The following APMAP variants were observed in gnomAD, a reference collection of about 807,000 sequenced individuals.
The protein encoded by APMAP is adipocyte plasma membrane-associated protein.
In APMAP, 33 loss-of-function variants were observed where a neutral mutation model predicts 43.6. That is an observed-to-expected ratio of 0.76 (90% CI 0.57 to 1.01). APMAP has a LOEUF of 1.01. Ranked by LOEUF, APMAP falls within the 50% of genes least tolerant of loss-of-function variation. APMAP has a pLI of 0.00. For synonymous variants in APMAP, 224 were observed against 216.7 expected (o/e 1.03, Z -0.30); for missense variants, 498 against 540.7 (o/e 0.92, Z 0.78).
At chr20:24,978,603 C>G (rs2088070944) in intron 3 of APMAP, among the ~76,000 whole-genome samples, 164 bp downstream of exon 3, 2 of 152,180 alleles carry the variant, frequency 1.3e-5, no homozygotes, top group South Asian at 4.1e-4. Flanking sequence ...CCACTAGGGC[C>G]TCCCATGTGA....
Position 24,963,116 on chromosome 20 carries a change from A to G in APMAP, c.*697T>C, listed in dbSNP as rs2087910836. The G allele has an allele frequency of 6.6e-6, 1 of 152,452 alleles. No individual in the cohort carries two copies. The highest frequency in any genetic ancestry group is 2.1e-4 in the South Asian group (1 of 4,848). The allele number at this position is 152,452 out of a possible 1,614,324, so 9.4% of individuals were successfully genotyped here. The stretch of plus-strand genomic sequence containing the variant: ...AAAGATCACAGACAAGACGTTACTA[A>G]ACGGACCCCTGCAGTAGGTCCCGAA... On this transcript the variant is annotated 3_prime_UTR_variant, in exon 9 of 9. Coordinates refer to ENST00000217456, the MANE Select transcript of APMAP (RefSeq NM_020531.3).
chr20:24,992,116 G>A (rs1241538330), intron 1 of APMAP, among the ~76,000 whole-genome samples: 1 of 152,236 alleles, frequency 6.6e-6, no homozygotes, highest in African/African-American at 2.4e-5. Flanking sequence ...TAACGAGGCA[G>A]GACCCCAGCA....
chr20:24,970,158 G>A (rs2087985882), intron 6 of APMAP, 39 bp downstream of exon 6: 1 of 1,611,152 alleles, frequency 6.2e-7, no homozygotes, highest in Non-Finnish European at 8.5e-7. Flanking sequence ...GGCCTGGCTG[G>A]TGAACTCAAC....
At position 24,992,738 on chromosome 20, in the gene APMAP, C is replaced by T; in HGVS notation, c.-50G>A. On this transcript the variant is annotated 5_prime_UTR_variant, in exon 1 of 9. Transcript: ENST00000217456. ...AGAAACCACCTCACACTGAGCGGCG[C>T]CGGCTCAGACTCCAGGCCCGCCCTC... is the stretch of plus-strand genomic sequence containing the variant. 1 of 1,371,770 alleles carries T rather than the reference C, an allele frequency of 7.3e-7. No homozygotes were observed. The highest frequency in any genetic ancestry group is 9.7e-7 in the Non-Finnish European group (1 of 1,033,722). 85.0% of individuals were successfully genotyped at this position (1,371,770 alleles called of 1,614,324 possible).
At chr20:24,964,765 AACAG>A (rs1385482860) in intron 8 of APMAP, among the ~76,000 whole-genome samples, 11 of 152,208 alleles carry the variant, frequency 7.2e-5, no homozygotes, top group Non-Finnish European at 2.9e-5. Context: ...AATGGAAATT[AACAG>A]ACAGATTTCT....
intron 1 of APMAP, among the ~76,000 whole-genome samples, chr20:24,986,469 A>G (rs1377442365): frequency 6.6e-6 from 1 of 152,220 alleles, no homozygotes; most frequent in African/African-American, 2.4e-5. Context: ...TCCTGTCTCC[A>G]AACCCCAGGA....
intron 7 of APMAP, among the ~76,000 whole-genome samples, 190 bp from the exon 8 acceptor site, chr20:24,969,274 A>G (rs1477100000): frequency 7.2e-5 from 11 of 152,204 alleles, no homozygotes; most frequent in Non-Finnish European, 1.2e-4. Context: ...GAGGGGAAGT[A>G]GGTCAGGGGA....
At chr20:24,987,233 C>T (rs2122530266) in intron 1 of APMAP, among the ~76,000 whole-genome samples, 1 of 152,342 alleles carries the variant, frequency 6.6e-6, no homozygotes, top group Admixed American at 6.5e-5. Context: ...AGTGATCCTC[C>T]TGTCTCAGCC....
At chr20:24,989,898 T>C (rs527525052) in intron 1 of APMAP, among the ~76,000 whole-genome samples, 2 of 152,182 alleles carry the variant, frequency 1.3e-5, no homozygotes, top group African/African-American at 2.4e-5. Flanking sequence ...AAAAGGAAAA[T>C]GGACCTAGCA....
chr20:24,970,860 C>T (rs2087992613), intron 5 of APMAP, among the ~76,000 whole-genome samples: 1 of 152,186 alleles, frequency 6.6e-6, no homozygotes, highest in South Asian at 2.1e-4. Flanking sequence ...GGAAGCTGGG[C>T]AGAGAGCAAC....
chr20:24,967,353 C>A (rs1359485969), intron 8 of APMAP, among the ~76,000 whole-genome samples: 1 of 152,176 alleles, frequency 6.6e-6, no homozygotes. Flanking sequence ...TAAAACTGAA[C>A]CTTCTTTCCA....
At chr20:24,978,733 G>T in intron 3 of APMAP, 34 bp downstream of exon 3, 1 of 1,301,186 alleles carries the variant, frequency 7.7e-7, no homozygotes, top group Non-Finnish European at 1.1e-6. Flanking sequence ...CAGACAGCCT[G>T]GAAGGCTCCC....
intron 1 of APMAP, 109 bp from the exon 2 acceptor site, chr20:24,984,128 C>G (rs2088128295): frequency 1.3e-6 from 1 of 771,846 alleles, no homozygotes. Flanking sequence ...TCCAGTTTCC[C>G]CACTGCAAGC....
At chr20:24,970,099 G>A (rs1188359750) in intron 6 of APMAP, 98 bp downstream of exon 6, 1 of 1,429,950 alleles carries the variant, frequency 7.0e-7, no homozygotes, top group Non-Finnish European at 9.6e-7. Context: ...ATATGATGCT[G>A]GAAATACTCC....
At chr20:24,977,604 C>T (rs1279961504) in intron 3 of APMAP, among the ~76,000 whole-genome samples, 1 of 152,126 alleles carries the variant, frequency 6.6e-6, no homozygotes, top group Non-Finnish European at 1.5e-5. Context: ...CAAGAAATGT[C>T]ACCAGCTCAT....
chr20:24,978,092 G>A (rs2088066288), intron 3 of APMAP, among the ~76,000 whole-genome samples: 1 of 152,166 alleles, frequency 6.6e-6, no homozygotes, highest in African/African-American at 2.4e-5. Flanking sequence ...AGAATAACAA[G>A]CGGCACTTCC....
intron 3 of APMAP, 73 bp from the exon 4 acceptor site, chr20:24,973,810 A>T: frequency 7.3e-7 from 1 of 1,365,912 alleles, no homozygotes; most frequent in Non-Finnish European, 1.0e-6. Context: ...TTCTCCTACA[A>T]GAGGGCTTGT....
chr20:24,982,667 C>A (rs973224839), intron 2 of APMAP, among the ~76,000 whole-genome samples: 1 of 152,220 alleles, frequency 6.6e-6, no homozygotes, highest in African/African-American at 2.4e-5. Context: ...AGCCCCCCAA[C>A]CCAAGCTTCT....
intron 8 of APMAP, chr20:24,964,443 AGGC>A (rs10534910): frequency 0.53 from 249,443 of 472,932 alleles, 69,383 homozygotes; most frequent in East Asian, 0.92. Flanking sequence ...CATTTCAAAT[AGGC>A]AAGGTGCAAA....
Sources: allele counts gnomAD v4.1 joint callset (sites outside exome capture counted in the v4.1 genomes callset), GRCh38; gene constraint gnomAD v4.1.1; transcripts MANE v1.5; gene names NCBI Gene and HGNC (gene_info 2026-07-23, HGNC 2026-07-21).